PTPRS: variants seen among roughly 807,000 people sequenced by gnomAD.
PTPRS encodes protein tyrosine phosphatase receptor type S.
PTPRS carries 63 observed loss-of-function variants against 215.3 expected under a neutral mutation model. The observed-to-expected ratio is 0.29, with a 90% CI of 0.24 to 0.36. The LOEUF (loss-of-function observed/expected upper bound fraction) is 0.36, where lower values mean the gene tolerates loss of function less well. PTPRS is among the 10% of genes least tolerant of loss of function. The pLI, the probability that PTPRS is intolerant of heterozygous loss-of-function variation, is 1.00. For synonymous variants in PTPRS, 1,404 were observed against 1,191.4 expected (o/e 1.18, Z -3.68); for missense variants, 2,258 against 2,825.8 (o/e 0.80, Z 4.56).
At chr19:5,332,130 ATT>A (rs34525422) in intron 1 of PTPRS, among the ~76,000 whole-genome samples, 8 of 145,180 alleles carry the variant, frequency 5.5e-5, no homozygotes, top group Non-Finnish European at 1.1e-4. Context: ...AAATAGGGCA[ATT>A]TTTTTTTTTT....
At chr19:5,207,038 C>T (rs1245681119) in intron 37 of PTPRS, among the ~76,000 whole-genome samples, 196 bp from the exon 38 acceptor site, 1 of 152,222 alleles carries the variant, frequency 6.6e-6, no homozygotes, top group Non-Finnish European at 1.5e-5. Context: ...AGGCTCTTCA[C>T]CCGGAACGCC....
Position 5,207,882 on chromosome 19 carries a change from C to A in PTPRS, c.5778+40G>T. ...AACTGGAGCTTAGGGGCAGTCGGGG[C>A]GTGAGGCCAGGCTGCCTCCCCTCCC... On this transcript the variant is annotated intron_variant, in intron 37 of 37. Coordinates refer to ENST00000262963, the MANE Select transcript of PTPRS (RefSeq NM_002850.4). The A allele has an allele frequency of 2.5e-6, 4 of 1,604,744 alleles. No homozygotes were observed. In the South Asian group the frequency reaches 3.3e-5, roughly 13 times the overall value.
At position 5,239,727 on chromosome 19, in the gene PTPRS, CAG is replaced by C. The variant is rs897707415; in HGVS notation, c.1704+470_1704+471del. Among the ~76,000 whole-genome samples the C allele has an allele frequency of 6.7e-5, 10 of 148,440 alleles. No individual in the cohort carries two copies. In the East Asian group the frequency reaches 2.2e-3, roughly 32 times the overall value. The stretch of plus-strand genomic sequence containing the variant: ...GAAATAGAGAGAGAGGAGAAAGAAA[CAG>C]ATACAGAGACAGAGACAGAGAGACA... On this transcript the variant is annotated intron_variant, in intron 12 of 37. Coordinates refer to ENST00000262963, the MANE Select transcript of PTPRS (RefSeq NM_002850.4).
Position 5,246,035 on chromosome 19 carries a change from C to T in PTPRS, c.729G>A (p.Val243=). The T allele has an allele frequency of 6.7e-7, 1 of 1,503,452 alleles. No individual in the cohort carries two copies. The allele number at this position is 1,503,452 out of a possible 1,614,324, so 93.1% of individuals were successfully genotyped here. ...TGGGCAGGATGGAGAAGCGCGGGGC[C>T]ACGCGGCGGACTGGGGAGGGGGCGG... The part of the protein sequence containing the change: ...YVRELREVRR[V]APRFSILPMS... Residue 243 remains valine, a synonymous_variant, in exon 10 of 38, where the codon GTG becomes GTA. Coordinates refer to ENST00000262963, the MANE Select transcript of PTPRS (RefSeq NM_002850.4).
chr19:5,221,978 A>T, intron 19 of PTPRS, 145 bp downstream of exon 19: 1 of 662,000 alleles, frequency 1.5e-6, no homozygotes, highest in Non-Finnish European at 2.7e-6. Context: ...CCCAGTATTG[A>T]CTAAGCCTCA....
In PTPRS at chr19:5,272,403, C is replaced by A. The variant is rs1161056111; in HGVS notation, c.379+1039G>T. Among the ~76,000 whole-genome samples the A allele has an allele frequency of 2.0e-5, 3 of 151,390 alleles. No homozygotes were observed. In the East Asian group the frequency reaches 5.8e-4, roughly 29 times the overall value. On this transcript the variant is annotated intron_variant, in intron 4 of 37. Coordinates refer to ENST00000262963, the MANE Select transcript of PTPRS (RefSeq NM_002850.4). ...ACTTGAGGTCAGGAGTTTGAGACCA[C>A]CCTGGCCAACATGGTGAAACCCTGT...
At chr19:5,268,738 T>A (rs112854602) in intron 4 of PTPRS, among the ~76,000 whole-genome samples, 1 of 152,082 alleles carries the variant, frequency 6.6e-6, no homozygotes, top group Admixed American at 6.6e-5. Context: ...GCCTTTTCCA[T>A]AGAGGGGGAA....
At chr19:5,298,627 C>T (rs897366631) in intron 1 of PTPRS, among the ~76,000 whole-genome samples, 1 of 152,232 alleles carries the variant, frequency 6.6e-6, no homozygotes, top group Non-Finnish European at 1.5e-5. Context: ...GCCAGGAGCC[C>T]GCCTCACCCA....
At chr19:5,218,935 G>A (rs564102926) in intron 23 of PTPRS, 137 bp from the exon 24 acceptor site, 11 of 928,774 alleles carry the variant, frequency 1.2e-5, no homozygotes, top group African/African-American at 1.2e-4. Context: ...TCTGGAAAAT[G>A]GTGCTCATAT....
chr19:5,211,589 C>A lies in PTPRS; in HGVS notation c.5234+1G>T. On this transcript the variant is annotated splice_donor_variant, in intron 33 of 37. Coordinates refer to ENST00000262963, the MANE Select transcript of PTPRS (RefSeq NM_002850.4). LOFTEE classifies it high-confidence loss of function. ...TGAGGTGGGAAAGGCATGGCACCTA[C>A]CTGTAGCCATCAATGAAGCTGGCGT... The A allele has an allele frequency of 6.2e-7, 1 of 1,607,028 alleles. No homozygotes were observed. The highest frequency in any genetic ancestry group is 8.5e-7 in the Non-Finnish European group (1 of 1,174,306).
At position 5,222,113 on chromosome 19, in the gene PTPRS, G is replaced by A; in HGVS notation, c.3201+10C>T. Reference sequence around the variant, plus strand: ...GCCTGCCTGCCTGCCTGCTGGCTGGGCAGTCGCACCTTGTAGGGTGTGGGT... The same window carrying A: ...GCCTGCCTGCCTGCCTGCTGGCTGGACAGTCGCACCTTGTAGGGTGTGGGT... On this transcript the variant is annotated intron_variant, in intron 19 of 37. Transcript: ENST00000262963. 1 of 1,608,970 alleles carries A rather than the reference G, an allele frequency of 6.2e-7. No individual in the cohort carries two copies. Among genetic ancestry groups the A allele is most frequent in the Non-Finnish European group, 8.5e-7 (1 of 1,175,676 alleles).
In PTPRS at chr19:5,213,897, G is replaced by A. The variant is rs529323107; in HGVS notation, c.4614+464C>T. On this transcript the variant is annotated intron_variant, in intron 30 of 37. Transcript: ENST00000262963. Reference sequence around the variant, plus strand: ...GAAAAACAGATGGAACCGCACTATGGACAGCAGCCATCAGTTAAATACATA... The same window carrying A: ...GAAAAACAGATGGAACCGCACTATGAACAGCAGCCATCAGTTAAATACATA... Among the ~76,000 whole-genome samples, 13 of 152,228 alleles carry A rather than the reference G, an allele frequency of 8.5e-5. 1 individual carries two copies. Among genetic ancestry groups the A allele is most frequent in the Admixed American group, 2.0e-4 (3 of 15,300 alleles).
At chr19:5,207,187 T>G (rs777599426) in intron 37 of PTPRS, among the ~76,000 whole-genome samples, 1 of 152,212 alleles carries the variant, frequency 6.6e-6, no homozygotes, top group Non-Finnish European at 1.5e-5. Context: ...TGGGTTCAAG[T>G]GATTCTCCTG....
intron 13 of PTPRS, 22 bp from the exon 14 acceptor site, chr19:5,231,637 T>TG (rs752923729): frequency 0.01 from 683 of 66,004 alleles, 6 homozygotes; most frequent in Middle Eastern, 0.021. Flanking sequence ...GGGGAGAACG[T>TG]GGGGGGGTGG....
intron 10 of PTPRS, among the ~76,000 whole-genome samples, chr19:5,245,202 C>G (rs906344640): frequency 1.3e-5 from 2 of 148,964 alleles, no homozygotes; most frequent in Admixed American, 6.7e-5. Context: ...GTTGGCCAGG[C>G]TGGTCTCAAA....
intron 9 of PTPRS, among the ~76,000 whole-genome samples, chr19:5,251,909 G>A (rs1406020820): frequency 2.0e-5 from 3 of 152,142 alleles, no homozygotes; most frequent in Non-Finnish European, 4.4e-5. Flanking sequence ...CTCAACGCGA[G>A]GCTTTCTGGG....
intron 25 of PTPRS, 22 bp from the exon 26 acceptor site, chr19:5,216,789 T>C (rs1568384298): frequency 1.3e-6 from 2 of 1,528,644 alleles, no homozygotes; most frequent in East Asian, 2.4e-5. Context: ...AAACAATAAA[T>C]AAATGAAAAC....
At chr19:5,235,877 C>CG (rs1227181107) in intron 13 of PTPRS, among the ~76,000 whole-genome samples, 1 of 152,194 alleles carries the variant, frequency 6.6e-6, no homozygotes, top group African/African-American at 2.4e-5. Context: ...CAGTAAGTCT[C>CG]TATGTGTTGC....
In PTPRS at chr19:5,220,241, T is replaced by C; in HGVS notation, c.3549+19A>G. 1 of 1,611,926 alleles carries C rather than the reference T, an allele frequency of 6.2e-7. No homozygotes were observed. Among genetic ancestry groups the C allele is most frequent in the Non-Finnish European group, 8.5e-7 (1 of 1,178,542 alleles). On this transcript the variant is annotated intron_variant, in intron 21 of 37. Transcript: ENST00000262963. ...CTGGAATGCATCTGGGCCCTGCGGG[T>C]TGGGCCCCAGGCCCTCACCTCTTCC...
Sources: gnomAD v4.1 joint callset for allele counts (sites outside exome capture counted in the v4.1 genomes callset) on GRCh38, gnomAD v4.1.1 for gene constraint, MANE v1.5 for transcripts, NCBI Gene and HGNC (gene_info 2026-07-23, HGNC 2026-07-21) for gene names.